The following KIF2C variants were observed in gnomAD, a reference collection of about 807,000 sequenced individuals.
The protein encoded by KIF2C is kinesin family member 2C.
In KIF2C, 34 loss-of-function variants were observed where a neutral mutation model predicts 97.4. That is an observed-to-expected ratio of 0.35 (90% CI 0.27 to 0.46). The LOEUF (loss-of-function observed/expected upper bound fraction) is 0.46. Among genes scored for constraint, KIF2C ranks in the 20% least tolerant of loss-of-function variants. The probability of loss-of-function intolerance (pLI) is 1.00; values close to 1 mark genes in which losing one functional copy is unlikely to be tolerated. For synonymous variants in KIF2C, 313 were observed against 318.2 expected, an observed-to-expected ratio of 0.98 and a Z score of 0.17; for missense variants, 750 against 907.6, an observed-to-expected ratio of 0.83 and a Z score of 2.23.
At chr1:44,761,507 C>T (rs1483182389) in intron 16 of KIF2C, among the ~76,000 whole-genome samples, 1 of 151,930 alleles carries the variant, frequency 6.6e-6, no homozygotes, top group Non-Finnish European at 1.5e-5. Flanking sequence ...ACTCGGGAGG[C>T]TAAGGCAGGA....
rs1324322231 is a variant in KIF2C, at chr1:44,756,385, C to T, written c.977+148C>T. 9.7e-6 allele frequency: 8 copies of T among 824,268 alleles called. No homozygotes were observed. The East Asian group carries it at 1.7e-4, about 18-fold the overall frequency. 51.1% of individuals were successfully genotyped at this position (824,268 alleles called of 1,614,324 possible). On this transcript the variant is annotated intron_variant, in intron 10 of 20. Transcript: ENST00000372224. ...TTCTTTGGGTCACACCCTTTGGCAG[C>T]TTAGTGGCCCATCCTTGAGTGGATA...
At chr1:44,750,829 T>C (rs897793956) in intron 5 of KIF2C, among the ~76,000 whole-genome samples, 14 of 152,222 alleles carry the variant, frequency 9.2e-5, no homozygotes, top group South Asian at 2.1e-4. Context: ...AACACACTTA[T>C]GTAACTAACA....
chr1:44,751,507 CTT>C (rs58381189), intron 5 of KIF2C, among the ~76,000 whole-genome samples: 10 of 125,624 alleles, frequency 8.0e-5, no homozygotes, highest in Non-Finnish European at 1.0e-4. Flanking sequence ...TCTTTTTGTA[CTT>C]TTTTTTTTTT....
In KIF2C at chr1:44,750,564, C is replaced by T. The variant is rs764262019; in HGVS notation, c.439C>T (p.Pro147Ser). 2.9e-5 allele frequency: 44 copies of T among 1,540,646 alleles called. No individual in the cohort carries two copies. The highest frequency in any genetic ancestry group is 5.5e-5 in the African/African-American group (4 of 72,656). The change falls in exon 5 of 21, where the codon CCT becomes TCT. Residue 147 changes from proline (P) to serine (S), a missense_variant and splice_region_variant. Physicochemically the swap from Pro to Ser is moderately conservative, Grantham distance 74 (BLOSUM62 -1). Transcript: ENST00000372224. ...ANSRKQFSVP[P>S]APTRPSCPAV... ...CTCCCGCAAGCAGTTTTCAGTTCCT[C>T]GTGAGTAACGAATGTGCCCCCAACC... is the stretch of plus-strand genomic sequence containing the variant.
chr1:44,762,361 C>G lies in KIF2C; in HGVS notation c.1767C>G (p.Ser589Arg). The change falls in exon 18 of 21, where the codon AGC becomes AGG. Residue 589 changes from serine to arginine, a missense_variant. Transcript: ENST00000372224. ...GTTTCCTCAGGGTCAAGGAGCTGAG[C>G]CCCCACAGTGGGCCCAGTGGAGAGC... ...LRYADRVKEL[S>R]PHSGPSGEQL... 1 of 1,613,740 alleles carries G rather than the reference C, an allele frequency of 6.2e-7. No homozygotes were observed. The highest frequency in any genetic ancestry group is 8.5e-7 in the Non-Finnish European group (1 of 1,179,666).
chr1:44,747,268 A>G (rs901187234), intron 2 of KIF2C, 116 bp from the exon 3 acceptor site: 1 of 802,140 alleles, frequency 1.2e-6, no homozygotes, highest in African/African-American at 1.8e-5. Context: ...AGATCGCACC[A>G]CTGCCCTCCA....
At chr1:44,749,914 TA>T (rs566170364) in intron 4 of KIF2C, among the ~76,000 whole-genome samples, 294 of 147,266 alleles carry the variant, frequency 2.0e-3, no homozygotes, top group Non-Finnish European at 3.3e-3. Context: ...CCGTCTGTAC[TA>T]AAAAAAAAAT....
chr1:44,766,790 G>A (rs1338061894), intron 19 of KIF2C, 36 bp from the exon 20 acceptor site: 35 of 1,609,098 alleles, frequency 2.2e-5, no homozygotes, highest in Non-Finnish European at 3.0e-5. Flanking sequence ...TTTGCTAAAT[G>A]GTTATTGAAC....
intron 13 of KIF2C, chr1:44,758,937 A>G: frequency 2.2e-6 from 1 of 451,964 alleles, no homozygotes; most frequent in Non-Finnish European, 4.1e-6. Flanking sequence ...TACCTGTCTC[A>G]CCTTTACAGA....
chr1:44,751,821 CT>C (rs375561958), intron 5 of KIF2C, among the ~76,000 whole-genome samples: 5 of 100,088 alleles, frequency 5.0e-5, no homozygotes, highest in Admixed American at 1.5e-4. Context: ...CTTTTTATAC[CT>C]TTTTTTTTTT....
At chr1:44,751,265 G>A (rs1649496730) in intron 5 of KIF2C, among the ~76,000 whole-genome samples, 1 of 151,850 alleles carries the variant, frequency 6.6e-6, no homozygotes, top group Admixed American at 6.6e-5. Context: ...GCGTGGTCTT[G>A]GCTTACTGCA....
intron 4 of KIF2C, 36 bp downstream of exon 4, chr1:44,747,736 T>G: frequency 1.3e-6 from 2 of 1,586,406 alleles, no homozygotes; most frequent in African/African-American, 2.7e-5. Context: ...ATCATGGAAT[T>G]TGTGTCAGGA....
At position 44,764,845 on chromosome 1, in the gene KIF2C, C is replaced by T. The variant is rs1178372811; in HGVS notation, c.1972-1981C>T. 3.9e-5 allele frequency among the ~76,000 whole-genome samples: 6 copies of T among 152,180 alleles called. No homozygotes were observed. The East Asian group carries it at 7.7e-4, about 20-fold the overall frequency. On this transcript the variant is annotated intron_variant, in intron 19 of 20. Coordinates refer to ENST00000372224, the MANE Select transcript of KIF2C (RefSeq NM_006845.4). ...ATTTAAAAAGAATCATTTGACCGGG[C>T]GCAATGGCTCACGCCTGTAATCCTG...
intron 2 of KIF2C, among the ~76,000 whole-genome samples, chr1:44,744,161 TCA>T (rs1320975073): frequency 2.0e-5 from 3 of 151,818 alleles, no homozygotes; most frequent in Non-Finnish European, 4.4e-5. Flanking sequence ...ACGATCTCCC[TCA>T]GTGAGCCGAT....
rs748819676 is a variant in KIF2C at position 44,762,659 on chromosome 1, G to A, written c.1971+1G>A. 1.9e-6 allele frequency: 3 copies of A among 1,604,172 alleles called. No homozygotes were observed. In the South Asian group the frequency reaches 3.3e-5, roughly 18 times the overall value. ...GGAAGAGCTCAAGGAGATCATACAG[G>A]TAGGCAGCTGGCCCTGGACAGGGAG... On this transcript the variant is annotated splice_donor_variant, in intron 19 of 20. Coordinates refer to ENST00000372224, the MANE Select transcript of KIF2C (RefSeq NM_006845.4). LOFTEE classifies it high-confidence loss of function.
rs749013816 is a variant in KIF2C at position 44,766,849 on chromosome 1, C to T, written c.1995C>T (p.Leu665=). The T allele has an allele frequency of 1.9e-6, 3 of 1,614,216 alleles. No homozygotes were observed. In the South Asian group the frequency reaches 3.3e-5, roughly 18 times the overall value. ...AGCAAGGACCAGACTGGCTTGAGCT[C>T]TCTGAGATGACCGAGCAGCCAGACT... ...IIQQGPDWLE[L]SEMTEQPDYD... The change falls in exon 20 of 21, where the codon CTC becomes CTT. Residue 665 remains leucine, a synonymous_variant. Coordinates refer to ENST00000372224, the MANE Select transcript of KIF2C (RefSeq NM_006845.4).
chr1:44,746,510 G>A (rs976038341), intron 2 of KIF2C: 21 of 1,285,152 alleles, frequency 1.6e-5, no homozygotes, highest in Non-Finnish European at 2.1e-5. Context: ...AGATCCTAAA[G>A]GGCCCCCATT....
In KIF2C at chr1:44,741,066, G is replaced by A. The variant is rs184038569; in HGVS notation, c.165+59G>A. The A allele has an allele frequency of 1.1e-5, 15 of 1,331,728 alleles. No homozygotes were observed. The East Asian group carries it at 2.1e-4, about 19-fold the overall frequency. The allele number at this position is 1,331,728 out of a possible 1,614,324, so 82.5% of individuals were successfully genotyped here. A position where few individuals can be genotyped will look rare whatever the true frequency, so the allele number is the denominator to read the frequency against. On this transcript the variant is annotated intron_variant, in intron 2 of 20. Coordinates refer to ENST00000372224, the MANE Select transcript of KIF2C (RefSeq NM_006845.4). ...ATGTCTTCCTACATAAAGGATCTGT[G>A]CAGAAGTGGAATCTGTGAGAGCCTA...
At chr1:44,762,480 C>CA (rs1418422790) in intron 18 of KIF2C, 29 bp downstream of exon 18, 1 of 1,610,952 alleles carries the variant, frequency 6.2e-7, no homozygotes, top group South Asian at 1.1e-5. Flanking sequence ...CCAAGCAAGA[C>CA]AGAAGTGTGG....
Sources: allele counts gnomAD v4.1 joint callset (sites outside exome capture counted in the v4.1 genomes callset), GRCh38; gene constraint gnomAD v4.1.1; transcripts MANE v1.5; gene names NCBI Gene and HGNC (gene_info 2026-07-23, HGNC 2026-07-21).